The following STX8 variants were observed in gnomAD, a reference collection of about 807,000 sequenced individuals.
The protein encoded by STX8 is syntaxin-8.
In STX8, 23 loss-of-function variants were observed where a neutral mutation model predicts 37.5. The observed-to-expected ratio is 0.61, with a 90% CI of 0.44 to 0.87. STX8 has a LOEUF of 0.87. STX8 is among the 40% of genes least tolerant of loss of function. The probability of loss-of-function intolerance (pLI) is 0.00; values close to 1 mark genes in which losing one functional copy is unlikely to be tolerated. For synonymous variants in STX8, 115 were observed against 99.1 expected, an observed-to-expected ratio of 1.16 and a Z score of -0.95; for missense variants, 313 against 284.7, an observed-to-expected ratio of 1.10 and a Z score of -0.71.
At position 9,505,106 on chromosome 17, in the gene STX8, T is replaced by C; in HGVS notation, c.380A>G (p.Glu127Gly). 1 of 1,613,426 alleles carries C rather than the reference T, an allele frequency of 6.2e-7. No individual in the cohort carries two copies. The highest frequency in any genetic ancestry group is 8.5e-7 in the Non-Finnish European group (1 of 1,179,688). ...KRGAPNPWLF[E>G]EPEETRGLGF... is the part of the protein sequence containing the mutation. Reference sequence around the variant, plus strand: ...CAAGCCTCTGGTCTCCTCTGGCTCCTCAAAGAGCCAAGGGTTGGGTGCTCC... The same window carrying C: ...CAAGCCTCTGGTCTCCTCTGGCTCCCCAAAGAGCCAAGGGTTGGGTGCTCC... Residue 127 changes from glutamate (E) to glycine (G), a missense_variant, in exon 5 of 8, where the codon GAG becomes GGG. By Grantham distance (98) the Glu-to-Gly change is moderately conservative (BLOSUM62 -2). Transcript: ENST00000306357.
Position 9,557,583 on chromosome 17 carries a change from A to G in STX8, c.118-55T>C, listed in dbSNP as rs144021270. On this transcript the variant is annotated intron_variant, in intron 2 of 7. Transcript: ENST00000306357. ...TCTAGTCCAGAATGTAGAATCCACAAAATTACATCACGTAAACACTACTTC... is the reference window on the plus strand; with the variant it reads ...TCTAGTCCAGAATGTAGAATCCACAGAATTACATCACGTAAACACTACTTC... 274 of 1,481,590 alleles carry G rather than the reference A, an allele frequency of 1.8e-4. 3 individuals are homozygous for G. The African/African-American group carries it at 3.2e-3, about 17-fold the overall frequency. 91.8% of individuals were successfully genotyped at this position (1,481,590 alleles called of 1,614,324 possible). A position where few individuals can be genotyped will look rare whatever the true frequency, so the allele number is the denominator to read the frequency against.
intron 6 of STX8, among the ~76,000 whole-genome samples, chr17:9,480,897 T>TCTTTCTTTCTTTCTTTCTTTC (rs1906309305): frequency 2.6e-5 from 4 of 152,036 alleles, no homozygotes; most frequent in Admixed American, 1.3e-4. Context: ...TTTCTTTCTT[T>TCTTTCTTTCTTTCTTTCTTTC]TTTTTGAGGT....
chr17:9,258,206 A>G (rs1469346689), intron 7 of STX8, among the ~76,000 whole-genome samples: 1 of 152,202 alleles, frequency 6.6e-6, no homozygotes, highest in Non-Finnish European at 1.5e-5. Context: ...GATCAGTCTC[A>G]CTGTTCAAAC....
chr17:9,418,842 G>T (rs9899903), intron 6 of STX8, among the ~76,000 whole-genome samples: 15 of 139,534 alleles, frequency 1.1e-4, no homozygotes, highest in East Asian at 1.0e-3. Context: ...AAAAAAAAGG[G>T]GGGGGGGAAG....
chr17:9,311,415 T>TA lies in STX8; in HGVS notation c.644-60771dup, dbSNP rs1412371773. Among the ~76,000 whole-genome samples, 6 of 152,264 alleles carry TA rather than the reference T, an allele frequency of 3.9e-5. No individual in the cohort carries two copies. The South Asian group carries it at 6.2e-4, about 16-fold the overall frequency. ...TAAGACAGAAAGAAACAATTTTCAC[T>TA]AAAAAAACTTGGTGTATATATTAAT... On this transcript the variant is annotated intron_variant, in intron 7 of 7. Coordinates refer to ENST00000306357, the MANE Select transcript of STX8 (RefSeq NM_004853.3).
At chr17:9,286,223 A>T (rs184877586) in intron 7 of STX8, among the ~76,000 whole-genome samples, 32 of 152,358 alleles carry the variant, frequency 2.1e-4, no homozygotes, top group Non-Finnish European at 3.7e-4. Context: ...TCGGTATGAA[A>T]ACGAAAGTTA....
At chr17:9,487,061 T>C (rs1906629549) in intron 6 of STX8, among the ~76,000 whole-genome samples, 1 of 152,158 alleles carries the variant, frequency 6.6e-6, no homozygotes, top group African/African-American at 2.4e-5. Flanking sequence ...TAACTGCTGA[T>C]CCATTTCCTC....
intron 6 of STX8, among the ~76,000 whole-genome samples, chr17:9,434,185 A>G (rs1904342798): frequency 6.6e-6 from 1 of 152,064 alleles, no homozygotes; most frequent in Non-Finnish European, 1.5e-5. Flanking sequence ...TTGTATTTTT[A>G]GTACAGACAG....
chr17:9,526,171 A>T lies in STX8; in HGVS notation c.323+19001T>A, dbSNP rs200657544. On this transcript the variant is annotated intron_variant, in intron 4 of 7. Coordinates refer to ENST00000306357, the MANE Select transcript of STX8 (RefSeq NM_004853.3). Reference sequence around the variant, plus strand: ...ATCATGGTAAGATTTCAAAAGTACGAGAGACAAAGCCCAAGGGACAAAACC... The same window carrying T: ...ATCATGGTAAGATTTCAAAAGTACGTGAGACAAAGCCCAAGGGACAAAACC... Among the ~76,000 whole-genome samples, 16 of 43,950 alleles carry T rather than the reference A, an allele frequency of 3.6e-4. No homozygotes were observed. In the East Asian group the frequency reaches 0.014, roughly 39 times the overall value. 28.8% of individuals were successfully genotyped at this position (43,950 alleles called of 152,430 possible).
intron 6 of STX8, among the ~76,000 whole-genome samples, chr17:9,407,114 CAGAAGCACTGCTTCGGCAATGA>C (rs909971777): frequency 5.3e-5 from 8 of 152,166 alleles, no homozygotes; most frequent in South Asian, 4.1e-4. Flanking sequence ...ACGAAGGCCT[CAGAAGCACTGCTTCGGCAATGA>C]AGAAGCACTG....
chr17:9,497,717 C>T (rs1385015146), intron 5 of STX8, among the ~76,000 whole-genome samples: 2 of 152,166 alleles, frequency 1.3e-5, no homozygotes, highest in African/African-American at 4.8e-5. Flanking sequence ...AGATCCAGAC[C>T]CCAATGACTG....
rs58213453 is a variant in STX8 at position 9,360,227 on chromosome 17, C to CTTTTTTTTTTTT, written c.643+18313_643+18324dup. ...ATACATATAATGTAAAATTAACCGTCTTTTTTTTTTTTTTTTTTTTTTTTG... is the reference window on the plus strand; with the variant it reads ...ATACATATAATGTAAAATTAACCGTCTTTTTTTTTTTTTTTTTTTTTTTTTTTTTTTTTTTTG... On this transcript the variant is annotated intron_variant, in intron 7 of 7. Transcript: ENST00000306357. Among the ~76,000 whole-genome samples, 58 of 72,608 alleles carry CTTTTTTTTTTTT rather than the reference C, an allele frequency of 8.0e-4. 1 individual carries two copies. Among genetic ancestry groups the CTTTTTTTTTTTT allele is most frequent in the African/African-American group, 2.9e-3 (55 of 18,700 alleles). 47.6% of individuals were successfully genotyped at this position (72,608 alleles called of 152,430 possible).
chr17:9,452,642 G>T (rs1008242249), intron 6 of STX8: 13 of 152,132 alleles, frequency 8.5e-5, no homozygotes, highest in African/African-American at 1.9e-4. Flanking sequence ...AACAGCTAGG[G>T]GTTCTCAGGT....
At chr17:9,517,496 G>A (rs893620624) in intron 4 of STX8, among the ~76,000 whole-genome samples, 2 of 152,134 alleles carry the variant, frequency 1.3e-5, no homozygotes, top group African/African-American at 4.8e-5. Context: ...ATCGCACACA[G>A]CCCTGTGTGT....
intron 7 of STX8, among the ~76,000 whole-genome samples, chr17:9,276,393 C>G (rs1043155164): frequency 2.0e-5 from 3 of 152,024 alleles, no homozygotes; most frequent in African/African-American, 7.3e-5. Context: ...TCCCAAAGAA[C>G]AAAAGTTTAA....
intron 6 of STX8, among the ~76,000 whole-genome samples, chr17:9,380,961 C>T (rs1335739090): frequency 1.3e-5 from 2 of 151,706 alleles, no homozygotes; most frequent in Non-Finnish European, 2.9e-5. Context: ...ATGATCCACC[C>T]ACCTCGACCT....
intron 6 of STX8, among the ~76,000 whole-genome samples, chr17:9,414,454 A>G (rs1913107076): frequency 6.6e-6 from 1 of 152,200 alleles, no homozygotes; most frequent in African/African-American, 2.4e-5. Flanking sequence ...CAAATGTTAT[A>G]AAAGTCTGAA....
intron 7 of STX8, among the ~76,000 whole-genome samples, chr17:9,317,032 A>G (rs1377610764): frequency 6.6e-6 from 1 of 152,174 alleles, no homozygotes; most frequent in Non-Finnish European, 1.5e-5. Flanking sequence ...TAAGGTGTCT[A>G]TAAGATTTCT....
At chr17:9,425,410 T>C (rs1242811148) in intron 6 of STX8, among the ~76,000 whole-genome samples, 1 of 152,196 alleles carries the variant, frequency 6.6e-6, no homozygotes, top group Non-Finnish European at 1.5e-5. Flanking sequence ...ATGTATACTG[T>C]TAATATCTGA....
Sources: gnomAD v4.1 joint callset for allele counts (sites outside exome capture counted in the v4.1 genomes callset) on GRCh38, gnomAD v4.1.1 for gene constraint, MANE v1.5 for transcripts, NCBI Gene and HGNC (gene_info 2026-07-23, HGNC 2026-07-21) for gene names.